Variants in NIPAL3 observed in about 807,000 individuals in gnomAD.
The protein encoded by NIPAL3 is NIPA like domain containing 3, also known as NIPA-like protein 3.
In NIPAL3, 41 loss-of-function variants were observed where a neutral mutation model predicts 47.2. The ratio of observed to expected loss-of-function variants is 0.87; its 90% CI spans 0.68 to 1.13. The LOEUF (loss-of-function observed/expected upper bound fraction) is 1.13, where lower values mean the gene tolerates loss of function less well. NIPAL3 is among the 50% of genes most tolerant of loss of function. NIPAL3 has a pLI of 0.00. For synonymous variants in NIPAL3, 194 were observed against 209.6 expected (o/e 0.93, Z 0.64); for missense variants, 449 against 530.1 (o/e 0.85, Z 1.50).
intron 2 of NIPAL3, chr1:24,432,994 A>T (rs962043168): frequency 1.3e-5 from 2 of 152,212 alleles, no homozygotes; most frequent in Non-Finnish European, 1.5e-5. Flanking sequence ...TATTTATTGA[A>T]GGCTCTGAGA....
At chr1:24,460,254 A>C (rs1031189539) in intron 9 of NIPAL3, among the ~76,000 whole-genome samples, 1 of 152,178 alleles carries the variant, frequency 6.6e-6, no homozygotes, top group African/African-American at 2.4e-5. Flanking sequence ...TTATCCCCCA[A>C]TAAAAGTTAA....
At chr1:24,460,340 T>C (rs1248364417) in intron 9 of NIPAL3, 141 bp from the exon 10 acceptor site, 2 of 677,758 alleles carry the variant, frequency 3.0e-6, no homozygotes, top group Non-Finnish European at 4.9e-6. Flanking sequence ...CTTTTATTCC[T>C]TTCTTCTTGT....
chr1:24,417,144 C>T (rs1644089622), intron 1 of NIPAL3, among the ~76,000 whole-genome samples: 1 of 152,186 alleles, frequency 6.6e-6, no homozygotes, highest in Admixed American at 6.5e-5. Flanking sequence ...AGTGCTTAAC[C>T]AGCCTGCATT....
intron 4 of NIPAL3, among the ~76,000 whole-genome samples, chr1:24,443,480 C>T (rs1233462442): frequency 6.6e-6 from 1 of 152,198 alleles, no homozygotes; most frequent in Non-Finnish European, 1.5e-5. Context: ...CTATGTGCCC[C>T]TCCCTTGCTG....
At chr1:24,423,627 C>T (rs1405083983) in intron 2 of NIPAL3, among the ~76,000 whole-genome samples, 1 of 152,100 alleles carries the variant, frequency 6.6e-6, no homozygotes, top group African/African-American at 2.4e-5. Flanking sequence ...GAGACTCCGC[C>T]TCACACACAC....
intron 2 of NIPAL3, among the ~76,000 whole-genome samples, chr1:24,425,307 AT>A (rs1308548069): frequency 7.1e-6 from 1 of 141,652 alleles, no homozygotes; most frequent in African/African-American, 2.6e-5. Flanking sequence ...ACATTATGAG[AT>A]TTTTTTTGCG....
intron 2 of NIPAL3, among the ~76,000 whole-genome samples, chr1:24,426,942 G>C (rs552249354): frequency 6.6e-6 from 1 of 152,192 alleles, no homozygotes; most frequent in African/African-American, 2.4e-5. Context: ...AGTTTGCACC[G>C]TGTCTTTGCT....
intron 7 of NIPAL3, among the ~76,000 whole-genome samples, chr1:24,455,921 A>C (rs1646176960): frequency 6.6e-6 from 1 of 152,026 alleles, no homozygotes; most frequent in African/African-American, 2.4e-5. Flanking sequence ...TCCCTCCTTT[A>C]GGATGTAGTC....
intron 2 of NIPAL3, among the ~76,000 whole-genome samples, chr1:24,422,787 C>T (rs933125679): frequency 1.3e-5 from 2 of 152,206 alleles, no homozygotes; most frequent in Non-Finnish European, 2.9e-5. Flanking sequence ...TGTTACTGTT[C>T]GCATCCTTGG....
intron 2 of NIPAL3, among the ~76,000 whole-genome samples, chr1:24,428,141 G>A (rs1490581789): frequency 1.3e-5 from 2 of 152,154 alleles, no homozygotes; most frequent in Non-Finnish European, 2.9e-5. Flanking sequence ...TCAGGAGGCT[G>A]AGGTGGGAGT....
intron 10 of NIPAL3, 23 bp from the exon 11 acceptor site, chr1:24,464,003 C>A: frequency 6.3e-7 from 1 of 1,599,316 alleles, no homozygotes. Context: ...TATTTCTCTT[C>A]CTATCTTATC....
intron 2 of NIPAL3, among the ~76,000 whole-genome samples, chr1:24,436,055 T>C (rs1645089880): frequency 6.6e-6 from 1 of 152,154 alleles, no homozygotes; most frequent in Non-Finnish European, 1.5e-5. Context: ...ATTCCATTCA[T>C]GAGGGCTCCA....
intron 6 of NIPAL3, among the ~76,000 whole-genome samples, chr1:24,452,749 G>T (rs570530609): frequency 1.4e-4 from 21 of 151,650 alleles, no homozygotes; most frequent in African/African-American, 5.1e-4. Flanking sequence ...ATGGAGCCTC[G>T]CTCTGTCTCC....
At chr1:24,431,839 C>T (rs2148780721) in intron 2 of NIPAL3, among the ~76,000 whole-genome samples, 1 of 152,034 alleles carries the variant, frequency 6.6e-6, no homozygotes, top group African/African-American at 2.4e-5. Context: ...GAACAGCTTT[C>T]TGCACCCCAC....
At chr1:24,439,663 C>T (rs995567363) in intron 2 of NIPAL3, among the ~76,000 whole-genome samples, 26 of 151,954 alleles carry the variant, frequency 1.7e-4, no homozygotes, top group Admixed American at 1.0e-3. Flanking sequence ...TACAAAATTC[C>T]GTGCCAGGTA....
In NIPAL3 at chr1:24,416,236, G is replaced by A. The variant is rs1644023234; in HGVS notation, c.-258+332G>A. 1 of 985,424 alleles carries A rather than the reference G, an allele frequency of 1.0e-6. No homozygotes were observed. 61.0% of individuals were successfully genotyped at this position (985,424 alleles called of 1,614,324 possible). A position where few individuals can be genotyped will look rare whatever the true frequency, so the allele number is the denominator to read the frequency against. ...CAGCAGATGGTGGAGTTAGCAGGTG[G>A]GATGAGGGGAGGCGTTCTTGGTCTA... On this transcript the variant is annotated intron_variant, in intron 1 of 11. Coordinates refer to ENST00000374399, the MANE Select transcript of NIPAL3 (RefSeq NM_020448.5). This position sits in a 1 kb window ranked among gnomAD's most constrained non-coding sequence, Gnocchi z 4.8.
intron 11 of NIPAL3, chr1:24,465,793 G>A (rs947023320): frequency 9.9e-6 from 5 of 506,356 alleles, no homozygotes; most frequent in Middle Eastern, 5.1e-4. Flanking sequence ...CCTCTTGCAC[G>A]GTGTCTGGGA....
intron 2 of NIPAL3, among the ~76,000 whole-genome samples, chr1:24,433,473 G>T (rs1045344830): frequency 2.0e-5 from 3 of 152,228 alleles, no homozygotes; most frequent in Admixed American, 1.3e-4. Flanking sequence ...AAGTCTGAGA[G>T]CCTAAATTTT....
Position 24,418,446 on chromosome 1 carries a change from A to G in NIPAL3, c.-257-845A>G, listed in dbSNP as rs573377743. 4.6e-5 allele frequency among the ~76,000 whole-genome samples: 7 copies of G among 152,198 alleles called. No homozygotes were observed. The South Asian group carries it at 1.0e-3, about 23-fold the overall frequency. On this transcript the variant is annotated intron_variant, in intron 1 of 11. Transcript: ENST00000374399. Reference sequence around the variant, plus strand: ...AAGAGTTCAAGACCAGCCTGATAACATGGCGAAACCCTGTCTCTACAAAAA... The same window carrying G: ...AAGAGTTCAAGACCAGCCTGATAACGTGGCGAAACCCTGTCTCTACAAAAA...
Sources: allele counts gnomAD v4.1 joint callset (sites outside exome capture counted in the v4.1 genomes callset), GRCh38; gene constraint gnomAD v4.1.1; non-coding constraint Gnocchi (gnomAD v3.1); transcripts MANE v1.5; gene names NCBI Gene and HGNC (gene_info 2026-07-23, HGNC 2026-07-21).